Variants in DENND1A observed in about 807,000 individuals in gnomAD.
DENND1A encodes the protein DENN domain containing 1A, also known as DENN domain-containing protein 1A.
Under a neutral mutation model 113.7 loss-of-function variants are expected in DENND1A, and 51 were observed. The observed-to-expected ratio is 0.45, with a 90% CI of 0.36 to 0.57. The LOEUF (loss-of-function observed/expected upper bound fraction) is 0.57, where lower values mean the gene tolerates loss of function less well. Ranked by LOEUF, DENND1A falls within the 20% of genes least tolerant of loss-of-function variation. DENND1A has a pLI of 0.00. For synonymous variants in DENND1A, 565 were observed against 570.8 expected (o/e 0.99, Z 0.14); for missense variants, 1,258 against 1,395.9 (o/e 0.90, Z 1.57).
At chr9:123,603,560 A>G (rs531447638) in intron 11 of DENND1A, among the ~76,000 whole-genome samples, 1 of 152,214 alleles carries the variant, frequency 6.6e-6, no homozygotes, top group African/African-American at 2.4e-5. Context: ...GCAGAATGCC[A>G]GGAGCTCCCC....
rs746636216 is a variant in DENND1A, at chr9:123,457,347, C to T, written c.1186+1G>A. 1 of 1,613,206 alleles carries T rather than the reference C, an allele frequency of 6.2e-7. No homozygotes were observed. The highest frequency in any genetic ancestry group is 8.5e-7 in the Non-Finnish European group (1 of 1,179,192). On this transcript the variant is annotated splice_donor_variant, in intron 15 of 23. Transcript: ENST00000394215. LOFTEE classifies it high-confidence loss of function. ...CGGAAGGAAAATGAGTTGCTTCTCA[C>T]CAGCGTACTCGCCCATGTTGATTTC...
intron 4 of DENND1A, among the ~76,000 whole-genome samples, chr9:123,769,153 G>A (rs1276301942): frequency 1.3e-5 from 2 of 152,080 alleles, no homozygotes; most frequent in African/African-American, 2.4e-5. Context: ...AATACAAAAC[G>A]TTGGAATCAA....
At chr9:123,433,670 T>A (rs2046307396) in intron 19 of DENND1A, among the ~76,000 whole-genome samples, 1 of 152,134 alleles carries the variant, frequency 6.6e-6, no homozygotes, top group Non-Finnish European at 1.5e-5. Context: ...TTCTTTTTTT[T>A]AAAAAAACAA....
chr9:123,509,128 C>T (rs1385372079), intron 13 of DENND1A, among the ~76,000 whole-genome samples: 1 of 152,290 alleles, frequency 6.6e-6, no homozygotes, highest in Middle Eastern at 3.4e-3. Flanking sequence ...TAGGGGATGG[C>T]TCACATGATC....
intron 13 of DENND1A, among the ~76,000 whole-genome samples, chr9:123,460,713 G>A (rs2048459530): frequency 1.3e-5 from 2 of 152,124 alleles, no homozygotes; most frequent in Non-Finnish European, 2.9e-5. Flanking sequence ...CTTAAACCAC[G>A]GTGGAGGTTT....
chr9:123,652,412 A>G, intron 8 of DENND1A: 1 of 282,058 alleles, frequency 3.5e-6, no homozygotes, highest in Non-Finnish European at 6.8e-6. Flanking sequence ...TGAGCAGAAC[A>G]GGAATTCTAC....
At chr9:123,677,906 G>C (rs1475404314) in intron 5 of DENND1A, among the ~76,000 whole-genome samples, 1 of 152,068 alleles carries the variant, frequency 6.6e-6, no homozygotes, top group African/African-American at 2.4e-5. Context: ...CTTCCTCATA[G>C]ATATGCTCCC....
chr9:123,553,904 C>T (rs535660021), intron 13 of DENND1A, among the ~76,000 whole-genome samples: 7 of 152,170 alleles, frequency 4.6e-5, no homozygotes, highest in East Asian at 1.9e-4. Flanking sequence ...ACTACAGGTG[C>T]GTGCCACCAC....
At chr9:123,899,418 C>T (rs1385575240) in intron 1 of DENND1A, among the ~76,000 whole-genome samples, 2 of 152,142 alleles carry the variant, frequency 1.3e-5, no homozygotes, top group Non-Finnish European at 2.9e-5. Context: ...TCTAACTACA[C>T]TACCTTAAAT....
At chr9:123,779,931 C>T (rs1220642075) in intron 3 of DENND1A, among the ~76,000 whole-genome samples, 3 of 147,732 alleles carry the variant, frequency 2.0e-5, no homozygotes, top group Non-Finnish European at 3.0e-5. Context: ...GGCGAGATCT[C>T]GGCTCACTGC....
chr9:123,535,184 T>C (rs988026362), intron 13 of DENND1A, among the ~76,000 whole-genome samples: 6 of 152,248 alleles, frequency 3.9e-5, no homozygotes, highest in African/African-American at 4.8e-5. Flanking sequence ...ACAGCCCTTT[T>C]CCCACACAAC....
At chr9:123,433,062 G>A (rs2046255179) in intron 19 of DENND1A, among the ~76,000 whole-genome samples, 3 of 152,244 alleles carry the variant, frequency 2.0e-5, no homozygotes, top group Admixed American at 1.3e-4. Context: ...TTGACAGCCA[G>A]CTCCACTCTT....
intron 1 of DENND1A, 27 bp from the exon 2 acceptor site, chr9:123,879,048 T>C (rs1588055713): frequency 6.2e-7 from 1 of 1,610,070 alleles, no homozygotes; most frequent in Non-Finnish European, 8.5e-7. Flanking sequence ...TCATGATTAC[T>C]GACAAAGATT....
intron 5 of DENND1A, among the ~76,000 whole-genome samples, chr9:123,680,439 A>G (rs751702061): frequency 1.3e-5 from 2 of 152,390 alleles, no homozygotes; most frequent in African/African-American, 4.8e-5. Context: ...TTATGGCAGC[A>G]ACAGCCCATA....
chr9:123,751,166 C>T (rs1392306587), intron 5 of DENND1A: 2 of 152,214 alleles, frequency 1.3e-5, no homozygotes, highest in Non-Finnish European at 2.9e-5. Flanking sequence ...TAAAGCCAGA[C>T]TCCTTTATTA....
chr9:123,819,785 G>A (rs1838166273), intron 2 of DENND1A, among the ~76,000 whole-genome samples: 2 of 152,160 alleles, frequency 1.3e-5, no homozygotes, highest in Admixed American at 6.5e-5. Context: ...TGATCAGCCA[G>A]CCTCGGATCC....
At chr9:123,432,144 A>T (rs1259836316) in intron 19 of DENND1A, among the ~76,000 whole-genome samples, 1 of 152,198 alleles carries the variant, frequency 6.6e-6, no homozygotes, top group African/African-American at 2.4e-5. Flanking sequence ...TGAATGCCTA[A>T]TCACATAGCT....
At chr9:123,845,720 T>C (rs930099202) in intron 2 of DENND1A, among the ~76,000 whole-genome samples, 2 of 126,136 alleles carry the variant, frequency 1.6e-5, no homozygotes, top group East Asian at 4.3e-4. Context: ...GAATGGATTA[T>C]AGACCCAAAT....
At chr9:123,729,617 A>G (rs965773177) in intron 5 of DENND1A, among the ~76,000 whole-genome samples, 47 of 152,206 alleles carry the variant, frequency 3.1e-4, no homozygotes, top group Admixed American at 2.0e-3. Context: ...AGAGGACACA[A>G]ACAAATGGAA....
Sources: gnomAD v4.1 joint callset for allele counts (sites outside exome capture counted in the v4.1 genomes callset) on GRCh38, gnomAD v4.1.1 for gene constraint, MANE v1.5 for transcripts, NCBI Gene and HGNC (gene_info 2026-07-23, HGNC 2026-07-21) for gene names.